The following TTLL13 variants were observed in gnomAD, a reference collection of about 807,000 sequenced individuals.
The protein encoded by TTLL13 is tubulin polyglutamylase TTLL13.
chr15:90,261,972 C>A, the TTLL13 span: 44 of 1,498,552 alleles, frequency 2.9e-5, no homozygotes, highest in Non-Finnish European at 3.8e-5. Context: ...TTCCCACAGC[C>A]CTACTCTTGA....
At chr15:90,257,962 T>C in the TTLL13 span, 5 of 1,394,698 alleles carry the variant, frequency 3.6e-6, no homozygotes, top group Non-Finnish European at 4.0e-6. Context: ...TTAGCGTTAG[T>C]GTGAGGGAGC....
At chr15:90,253,209 G>T in the TTLL13 span, 1 of 1,547,992 alleles carries the variant, frequency 6.5e-7, no homozygotes, top group Non-Finnish European at 8.9e-7. Flanking sequence ...GCTTGTTGCT[G>T]GTGTCCATGC....
the TTLL13 span, chr15:90,258,489 G>A: frequency 3.2e-6 from 2 of 619,106 alleles, no homozygotes; most frequent in Non-Finnish European, 5.7e-6. Context: ...TGCAGGTTTG[G>A]GATCCCCAGT....
At chr15:90,256,359 T>C in the TTLL13 span, 1 of 1,602,106 alleles carries the variant, frequency 6.2e-7, no homozygotes, top group Non-Finnish European at 8.5e-7. Flanking sequence ...GCCTCATCTC[T>C]CCCAAAAGCC....
chr15:90,250,017 G>T, the TTLL13 span, among the ~76,000 whole-genome samples: 1 of 151,888 alleles, frequency 6.6e-6, no homozygotes, highest in Non-Finnish European at 1.5e-5. Context: ...GAGTGCAGTG[G>T]TGTGATCTCG....
At chr15:90,253,401 C>T in the TTLL13 span, 1 of 1,533,776 alleles carries the variant, frequency 6.5e-7, no homozygotes, top group Non-Finnish European at 9.0e-7. Flanking sequence ...CCGACAGGGG[C>T]TAGGGCCCCA....
At chr15:90,259,528 T>G in the TTLL13 span, among the ~76,000 whole-genome samples, 1 of 152,346 alleles carries the variant, frequency 6.6e-6, no homozygotes, top group Non-Finnish European at 1.5e-5. Context: ...CATATGTATA[T>G]AGTACGCATT....
the TTLL13 span, chr15:90,265,360 C>A: frequency 8.1e-7 from 1 of 1,228,120 alleles, no homozygotes; most frequent in Non-Finnish European, 1.0e-6. Flanking sequence ...AGAAGACTGC[C>A]GAGCGGAAGC....
the TTLL13 span, among the ~76,000 whole-genome samples, chr15:90,252,900 C>T: frequency 6.6e-6 from 1 of 151,958 alleles, no homozygotes; most frequent in African/African-American, 2.4e-5. Flanking sequence ...CTATTGGGGA[C>T]GCTGAGGCAC....
chr15:90,255,648 G>A, the TTLL13 span: 1 of 1,521,574 alleles, frequency 6.6e-7, no homozygotes, highest in Non-Finnish European at 9.0e-7. Flanking sequence ...CCTCCACTGT[G>A]ACTTCTCCCT....
the TTLL13 span, among the ~76,000 whole-genome samples, chr15:90,264,229 T>A: frequency 6.6e-6 from 1 of 152,192 alleles, no homozygotes; most frequent in African/African-American, 2.4e-5. Context: ...TCACGCTCTG[T>A]CGCCAAGGCT....
the TTLL13 span, chr15:90,250,850 T>C: frequency 1.2e-6 from 2 of 1,614,062 alleles, no homozygotes; most frequent in South Asian, 1.1e-5. Flanking sequence ...CACAGGCGAC[T>C]TAGAAGCTGG....
At chr15:90,257,030 A>G in the TTLL13 span, 2 of 1,093,132 alleles carry the variant, frequency 1.8e-6, no homozygotes, top group Non-Finnish European at 2.6e-6. Context: ...ACTATTTTAC[A>G]TGGTTATTGT....
At chr15:90,259,237 A>T in the TTLL13 span, 1 of 380,516 alleles carries the variant, frequency 2.6e-6, no homozygotes, top group South Asian at 2.4e-5. Flanking sequence ...ATTAAAAAAT[A>T]AAAAATTAGC....
At chr15:90,256,052 C>A in the TTLL13 span, 1 of 1,561,282 alleles carries the variant, frequency 6.4e-7, no homozygotes, top group Non-Finnish European at 8.7e-7. Flanking sequence ...CCAGGAAGAG[C>A]ATGGACTAGA....
At chr15:90,250,688 G>C in the TTLL13 span, 1 of 1,613,982 alleles carries the variant, frequency 6.2e-7, no homozygotes, top group African/African-American at 1.3e-5. Context: ...TGAGGAAAAG[G>C]AATCTGAGAA....
chr15:90,265,412 C>T, the TTLL13 span: 2 of 1,272,866 alleles, frequency 1.6e-6, no homozygotes, highest in Non-Finnish European at 2.0e-6. Flanking sequence ...CCTGGGCAGC[C>T]GCTGGGGCGG....
the TTLL13 span, chr15:90,257,032 G>A: frequency 3.7e-6 from 4 of 1,093,350 alleles, no homozygotes; most frequent in Non-Finnish European, 1.3e-6. Flanking sequence ...TATTTTACAT[G>A]GTTATTGTGG....
the TTLL13 span, among the ~76,000 whole-genome samples, chr15:90,256,545 T>TTTCTTTCTTTC: frequency 3.8e-5 from 4 of 105,390 alleles, no homozygotes; most frequent in Admixed American, 2.2e-4. Flanking sequence ...TCTCCTTCCT[T>TTTCTTTCTTTC]TTTCTTTCTT....
Sources: gnomAD v4.1 joint callset for allele counts (sites outside exome capture counted in the v4.1 genomes callset) on GRCh38, gnomAD v4.1.1 for gene constraint, MANE v1.5 for transcripts, NCBI Gene and HGNC (gene_info 2026-07-23, HGNC 2026-07-21) for gene names.